Variants in NCOR2 observed in about 807,000 individuals in gnomAD.
NCOR2 encodes the protein nuclear receptor corepressor 2, also known as CTG repeat protein 26.
A neutral mutation model predicts 262.9 loss-of-function variants in NCOR2; 81 were observed. That is an observed-to-expected ratio of 0.31 (90% confidence interval 0.26 to 0.37). The LOEUF (loss-of-function observed/expected upper bound fraction) is 0.37, where lower values mean the gene tolerates loss of function less well. Ranked by LOEUF, NCOR2 falls within the 10% of genes least tolerant of loss-of-function variation. NCOR2 has a pLI of 1.00. For synonymous variants in NCOR2, 1,659 were observed against 1,559.3 expected (o/e 1.06, Z -1.51); for missense variants, 3,385 against 3,621.4 (o/e 0.93, Z 1.68).
At chr12:124,372,529 G>T in exon 20 of NCOR2, 1 of 1,596,274 alleles carries the variant, frequency 6.3e-7, no homozygotes, top group Non-Finnish European at 8.5e-7. Context: ...TGGGGGCTTG[G>T]GCCCATTCTG....
chr12:124,479,479 G>A (rs2047307479), intron 3 of NCOR2, among the ~76,000 whole-genome samples: 1 of 147,488 alleles, frequency 6.8e-6, no homozygotes, highest in Non-Finnish European at 1.5e-5. Flanking sequence ...AAACACGCAG[G>A]GACACACACA....
intron 1 of NCOR2, among the ~76,000 whole-genome samples, chr12:124,509,987 G>C (rs768537958): frequency 6.6e-5 from 10 of 152,274 alleles, no homozygotes; most frequent in Non-Finnish European, 1.2e-4. Context: ...GATAAACCTA[G>C]GCCAGGTTGA....
chr12:124,526,266 A>G (rs755659237), intron 1 of NCOR2, among the ~76,000 whole-genome samples: 1 of 152,072 alleles, frequency 6.6e-6, no homozygotes, highest in Non-Finnish European at 1.5e-5. Flanking sequence ...GGGCAGGGAG[A>G]GCCCCAAACC....
chr12:124,329,979 A>G (rs2035042797), intron 44 of NCOR2, among the ~76,000 whole-genome samples: 1 of 152,198 alleles, frequency 6.6e-6, no homozygotes, highest in Admixed American at 6.5e-5. Flanking sequence ...GAGGTGTCCT[A>G]GTTGGGACTC....
chr12:124,372,918 C>T (rs993968357), intron 19 of NCOR2, among the ~76,000 whole-genome samples: 10 of 152,162 alleles, frequency 6.6e-5, no homozygotes, highest in African/African-American at 2.4e-4. Flanking sequence ...TGGAGCCAGC[C>T]TGAGGGTGGC....
At chr12:124,363,543 G>T in intron 21 of NCOR2, 136 bp downstream of exon 23, 1 of 905,464 alleles carries the variant, frequency 1.1e-6, no homozygotes, top group African/African-American at 1.7e-5. Flanking sequence ...TCAGCTCCAC[G>T]GGGATTTCTC....
At chr12:124,494,578 C>T (rs2048277692) in intron 1 of NCOR2, among the ~76,000 whole-genome samples, 1 of 152,144 alleles carries the variant, frequency 6.6e-6, no homozygotes, top group Non-Finnish European at 1.5e-5. Flanking sequence ...CAGGGCAAGC[C>T]ATCTGCCCTG....
chr12:124,539,025 C>CAGGGCACA (rs2051205642), upstream of NCOR2: 1 of 152,288 alleles, frequency 6.6e-6, no homozygotes, highest in Non-Finnish European at 1.5e-5. The surrounding 1 kb of genome is among the most constrained non-coding windows in gnomAD (Gnocchi z 5.1). Flanking sequence ...GCCAGGGCAC[C>CAGGGCACA]AGGGCACAGG....
chr12:124,374,373 G>A (rs2039814091), intron 19 of NCOR2, 40 bp downstream of exon 21: 1 of 1,603,990 alleles, frequency 6.2e-7, no homozygotes, highest in Non-Finnish European at 8.5e-7. Flanking sequence ...GCCCGCCCCG[G>A]CCCGGCCCTA....
chr12:124,326,971 AGCTGAGGACACATAGTGGGCCTGGCAGAT>A (rs1232268706), intron 45 of NCOR2, among the ~76,000 whole-genome samples: 1 of 152,206 alleles, frequency 6.6e-6, no homozygotes, highest in Non-Finnish European at 1.5e-5. Flanking sequence ...GCTAAGGGGC[AGCTGAGGACACATAGTGGGCCTGGCAGAT>A]GCTGAGCACA....
intron 13 of NCOR2, among the ~76,000 whole-genome samples, chr12:124,413,843 C>G (rs2042719657): frequency 6.6e-6 from 1 of 152,120 alleles, no homozygotes; most frequent in Non-Finnish European, 1.5e-5. Context: ...GAGAAAGAGA[C>G]AGTGGCCAGC....
At chr12:124,385,958 TG>T in intron 16 of NCOR2, 71 bp from the exon 19 acceptor site, 1 of 1,546,196 alleles carries the variant, frequency 6.5e-7, no homozygotes, top group Non-Finnish European at 8.7e-7. Context: ...ATCCATGGCC[TG>T]GGCGGCAAAC....
At chr12:124,505,598 G>T (rs2048999689) in intron 1 of NCOR2, among the ~76,000 whole-genome samples, 1 of 152,110 alleles carries the variant, frequency 6.6e-6, no homozygotes, top group Non-Finnish European at 1.5e-5. Flanking sequence ...TCCCAACTCC[G>T]CCACTTCCAC....
intron 17 of NCOR2, among the ~76,000 whole-genome samples, chr12:124,380,276 G>A (rs1333763960): frequency 6.6e-6 from 1 of 152,204 alleles, no homozygotes; most frequent in African/African-American, 2.4e-5. Context: ...CCACAGGCAG[G>A]GAGTGGGATC....
At chr12:124,355,593 A>AT in intron 23 of NCOR2, 22 bp from the exon 26 acceptor site, 2 of 1,538,922 alleles carry the variant, frequency 1.3e-6, no homozygotes, top group Non-Finnish European at 1.7e-6. Flanking sequence ...ATGTCTGTCC[A>AT]TTGTGGGGCC....
exon 13 of NCOR2, chr12:124,420,007 T>C: frequency 6.2e-7 from 1 of 1,613,904 alleles, no homozygotes; most frequent in South Asian, 1.1e-5. Flanking sequence ...CTCTTATAGT[T>C]CTCATTCTTC....
At chr12:124,333,555 T>C (rs2035428006) in intron 41 of NCOR2, among the ~76,000 whole-genome samples, 1 of 152,072 alleles carries the variant, frequency 6.6e-6, no homozygotes, top group Admixed American at 6.5e-5. Context: ...GGCCACAGTT[T>C]ATTGACCCCT....
At chr12:124,469,619 G>A (rs1338143356) in intron 4 of NCOR2, among the ~76,000 whole-genome samples, 3 of 152,126 alleles carry the variant, frequency 2.0e-5, no homozygotes, top group Non-Finnish European at 4.4e-5. Context: ...TGAGCCCCCC[G>A]CTCACCAGCT....
intron 13 of NCOR2, among the ~76,000 whole-genome samples, chr12:124,408,310 C>T (rs985689945): frequency 2.7e-4 from 41 of 151,876 alleles, no homozygotes; most frequent in African/African-American, 8.9e-4. Flanking sequence ...GCCAAGATCG[C>T]GCCACTGCAC....
Sources: allele counts gnomAD v4.1 joint callset (sites outside exome capture counted in the v4.1 genomes callset), GRCh38; gene constraint gnomAD v4.1.1; non-coding constraint Gnocchi (gnomAD v3.1); transcripts MANE v1.5; gene names NCBI Gene and HGNC (gene_info 2026-07-23, HGNC 2026-07-21).